Variants in TGFBR1 observed in about 807,000 individuals in gnomAD.
The protein encoded by TGFBR1 is TGF-beta receptor type-1.
TGFBR1 carries 20 observed loss-of-function variants against 55.1 expected under a neutral mutation model. That is an observed-to-expected ratio of 0.36 (90% confidence interval 0.26 to 0.53). The LOEUF (loss-of-function observed/expected upper bound fraction) is 0.53, where lower values mean the gene tolerates loss of function less well. Ranked by LOEUF, TGFBR1 falls within the 20% of genes least tolerant of loss-of-function variation. TGFBR1 has a pLI of 0.91. For synonymous variants in TGFBR1, 220 were observed against 214.8 expected (o/e 1.02, Z -0.21); for missense variants, 385 against 617.6 (o/e 0.62, Z 3.99).
intron 7 of TGFBR1, among the ~76,000 whole-genome samples, chr9:99,146,840 A>G (rs891514273): frequency 1.3e-5 from 2 of 152,298 alleles, no homozygotes; most frequent in Non-Finnish European, 2.9e-5. Context: ...TTGAATCTGG[A>G]GACTCATCAG....
intron 1 of TGFBR1, among the ~76,000 whole-genome samples, chr9:99,114,131 A>T (rs998965522): frequency 6.6e-6 from 1 of 152,234 alleles, no homozygotes; most frequent in African/African-American, 2.4e-5. Flanking sequence ...TAGTTTATCC[A>T]TTGATTGGCT....
intron 1 of TGFBR1, among the ~76,000 whole-genome samples, chr9:99,127,275 C>A (rs529363028): frequency 6.6e-6 from 1 of 152,262 alleles, no homozygotes; most frequent in East Asian, 1.9e-4. Flanking sequence ...AGTTGTCAAC[C>A]AGGGAAGTTC....
At chr9:99,134,838 A>ATATATG (rs1564157414) in intron 3 of TGFBR1, among the ~76,000 whole-genome samples, 1 of 111,916 alleles carries the variant, frequency 8.9e-6, no homozygotes, top group African/African-American at 3.2e-5. Context: ...ATATATATAT[A>ATATATG]TATATATATA....
intron 1 of TGFBR1, among the ~76,000 whole-genome samples, chr9:99,116,434 A>T (rs1375183195): frequency 6.6e-6 from 1 of 152,214 alleles, no homozygotes; most frequent in Non-Finnish European, 1.5e-5. Context: ...GGGTGCTTCC[A>T]TCTGATTTAG....
At chr9:99,124,727 A>G (rs1826987305) in intron 1 of TGFBR1, among the ~76,000 whole-genome samples, 1 of 152,160 alleles carries the variant, frequency 6.6e-6, no homozygotes, top group African/African-American at 2.4e-5. Flanking sequence ...GAATTTTTTA[A>G]TTCCCTGAAG....
intron 6 of TGFBR1, 60 bp from the exon 7 acceptor site, chr9:99,146,425 T>A (rs553531787): frequency 6.2e-7 from 1 of 1,601,122 alleles, no homozygotes; most frequent in Middle Eastern, 1.7e-4. Flanking sequence ...GAAAGGAGGT[T>A]CATCCAAATA....
At chr9:99,107,681 T>C (rs1411852952) in intron 1 of TGFBR1, among the ~76,000 whole-genome samples, 1 of 152,212 alleles carries the variant, frequency 6.6e-6, no homozygotes, top group African/African-American at 2.4e-5. Context: ...GCCTTCCCCG[T>C]GAAGGTTTAT....
At chr9:99,140,284 C>G (rs796175776) in intron 4 of TGFBR1, among the ~76,000 whole-genome samples, 1 of 152,220 alleles carries the variant, frequency 6.6e-6, no homozygotes, top group African/African-American at 2.4e-5. Context: ...GAAACCCCAT[C>G]TCTACTAAAA....
At chr9:99,125,472 A>G (rs753028006) in intron 1 of TGFBR1, among the ~76,000 whole-genome samples, 1 of 152,246 alleles carries the variant, frequency 6.6e-6, no homozygotes, top group Non-Finnish European at 1.5e-5. Context: ...TGTACTACAC[A>G]TGTAGGACCC....
At chr9:99,123,854 A>G (rs1826962178) in intron 1 of TGFBR1, among the ~76,000 whole-genome samples, 1 of 152,170 alleles carries the variant, frequency 6.6e-6, no homozygotes, top group South Asian at 2.1e-4. Context: ...CATTTATCAT[A>G]TGGGATAATT....
rs1398661068 is a variant in TGFBR1 at position 99,144,817 on chromosome 9, ACTG to A, written c.1060_1062del (p.Leu354del). On this transcript the variant is annotated inframe_deletion, in exon 6 of 9. Transcript: ENST00000374994. ...GAACTTGCTGTATTGCAGACTTAGG[ACTG>A]GCAGTAAGACATGATTCAGCCACAG... The A allele has an allele frequency of 1.9e-6, 3 of 1,614,048 alleles. No homozygotes were observed. The highest frequency in any genetic ancestry group is 2.5e-6 in the Non-Finnish European group (3 of 1,179,930).
intron 3 of TGFBR1, among the ~76,000 whole-genome samples, chr9:99,136,413 T>A (rs994109383): frequency 1.2e-4 from 18 of 152,232 alleles, no homozygotes; most frequent in Non-Finnish European, 1.9e-4. Flanking sequence ...ATTTCCAGAT[T>A]AGTCTCCTGA....
At chr9:99,111,956 G>T (rs149345067) in intron 1 of TGFBR1, among the ~76,000 whole-genome samples, 11 of 152,310 alleles carry the variant, frequency 7.2e-5, no homozygotes, top group Non-Finnish European at 1.5e-4. Flanking sequence ...CTTGCAGGAG[G>T]ATAGGGCTTT....
chr9:99,132,417 G>A, intron 2 of TGFBR1, 92 bp from the exon 3 acceptor site: 1 of 1,575,936 alleles, frequency 6.3e-7, no homozygotes, highest in South Asian at 1.1e-5. Flanking sequence ...GTGGCCAGCT[G>A]CAGGAATTGT....
chr9:99,138,030 A>G lies in TGFBR1; in HGVS notation c.746A>G (p.Tyr249Cys), dbSNP rs2118719965. ...TCGTGGTTCCGTGAGGCAGAGATTT[A>G]TCAAACTGTAATGTTACGTCATGAA... ...ERSWFREAEI[Y>C]QTVMLRHENI... The change falls in exon 4 of 9, where the codon TAT (tyrosine) becomes TGT (cysteine). Residue 249 changes from tyrosine to cysteine, a missense_variant. By Grantham distance (194) the Tyr-to-Cys change is radical. Around this residue, in one of 5 missense-constraint regions of TGFBR1, gnomAD observed 85 missense variants for 228.4 expected, o/e 0.37. Transcript: ENST00000374994. 1 of 1,614,088 alleles carries G rather than the reference A, an allele frequency of 6.2e-7. No individual in the cohort carries two copies. Among genetic ancestry groups the G allele is most frequent in the South Asian group, 1.1e-5 (1 of 91,088 alleles).
At chr9:99,128,496 AAAAG>A (rs1715855179) in intron 1 of TGFBR1, among the ~76,000 whole-genome samples, 1 of 147,846 alleles carries the variant, frequency 6.8e-6, no homozygotes, top group Admixed American at 6.7e-5. Context: ...AAAAAAAAAA[AAAAG>A]TATAACCATT....
chr9:99,136,554 T>C (rs1827444487), intron 3 of TGFBR1, among the ~76,000 whole-genome samples: 1 of 152,204 alleles, frequency 6.6e-6, no homozygotes, highest in Non-Finnish European at 1.5e-5. Flanking sequence ...AAGAGCTCTA[T>C]GATTTAAATA....
At chr9:99,116,412 C>G (rs1463510988) in intron 1 of TGFBR1, among the ~76,000 whole-genome samples, 1 of 152,126 alleles carries the variant, frequency 6.6e-6, no homozygotes, top group African/African-American at 2.4e-5. Flanking sequence ...AGCGTAGTTG[C>G]CCTAAGCAAT....
At chr9:99,147,621 C>A (rs1353358238) in intron 7 of TGFBR1, 33 bp from the exon 8 acceptor site, 1 of 1,599,236 alleles carries the variant, frequency 6.3e-7, no homozygotes, top group South Asian at 1.1e-5. Flanking sequence ...TGAATAAATT[C>A]ATCAAAATTT....
Sources: gnomAD v4.1 joint callset for allele counts (sites outside exome capture counted in the v4.1 genomes callset) on GRCh38, gnomAD v4.1.1 for gene constraint, gnomAD v4.1.1 regional missense constraint, MANE v1.5 for transcripts, NCBI Gene and HGNC (gene_info 2026-07-23, HGNC 2026-07-21) for gene names.